The following GNG12 variants were observed in gnomAD, a reference collection of about 807,000 sequenced individuals.
The protein encoded by GNG12 is G protein subunit gamma 12.
For synonymous variants in GNG12, 28 were observed against 29.7 expected (o/e 0.94, Z 0.19); for missense variants, 69 against 83.8 (o/e 0.82, Z 0.69).
intron 1 of GNG12, among the ~76,000 whole-genome samples, chr1:67,832,151 A>C (rs1438073642): frequency 6.6e-6 from 1 of 152,200 alleles, no homozygotes; most frequent in Non-Finnish European, 1.5e-5. Flanking sequence ...AACTGATGGG[A>C]AGGAAGCTAA....
chr1:67,794,468 G>A (rs1318991382), intron 1 of GNG12, among the ~76,000 whole-genome samples: 1 of 152,168 alleles, frequency 6.6e-6, no homozygotes, highest in East Asian at 1.9e-4. Flanking sequence ...ACGGCCACTT[G>A]CTGACCACGA....
intron 1 of GNG12, among the ~76,000 whole-genome samples, chr1:67,815,298 C>A (rs1646947716): frequency 6.6e-6 from 1 of 152,144 alleles, no homozygotes; most frequent in South Asian, 2.1e-4. Context: ...GGATATAAAG[C>A]AAAATTAATG....
At chr1:67,709,567 G>T (rs949759059) in intron 2 of GNG12, among the ~76,000 whole-genome samples, 7 of 151,672 alleles carry the variant, frequency 4.6e-5, no homozygotes, top group African/African-American at 9.7e-5. Context: ...GCTAAGCCTT[G>T]GACAAGCTCA....
At chr1:67,786,998 T>A (rs948497369) in intron 1 of GNG12, among the ~76,000 whole-genome samples, 1 of 147,158 alleles carries the variant, frequency 6.8e-6, no homozygotes. Flanking sequence ...TGTATATATA[T>A]GTGTATATCT....
chr1:67,778,518 A>C (rs549775249), intron 1 of GNG12, among the ~76,000 whole-genome samples: 5 of 152,344 alleles, frequency 3.3e-5, no homozygotes, highest in Admixed American at 1.3e-4. Flanking sequence ...ATTTTAACAG[A>C]AATCAGACAT....
At position 67,703,849 on chromosome 1, in the gene GNG12, A is replaced by C. The variant is rs1428385670; in HGVS notation, c.*1602T>G. The C allele has an allele frequency of 6.6e-6, 1 of 152,252 alleles. No individual in the cohort carries two copies. The highest frequency in any genetic ancestry group is 2.4e-5 in the African/African-American group (1 of 41,472). 9.4% of individuals were successfully genotyped at this position (152,252 alleles called of 1,614,324 possible). On this transcript the variant is annotated 3_prime_UTR_variant, in exon 4 of 4. Coordinates refer to ENST00000370982, the MANE Select transcript of GNG12 (RefSeq NM_018841.6). ...CAAAGCCCAGACATTAGATTTTAAA[A>C]GGGGTTTGCTTTCCAGGACAGATTG... is the stretch of plus-strand genomic sequence containing the variant.
At chr1:67,759,867 C>G (rs763487243) in intron 2 of GNG12, among the ~76,000 whole-genome samples, 1 of 152,202 alleles carries the variant, frequency 6.6e-6, no homozygotes, top group Non-Finnish European at 1.5e-5. Context: ...CTAAGCTCCA[C>G]AGTGACATTC....
Position 67,753,184 on chromosome 1 carries a change from G to A in GNG12, c.-27+24274C>T, listed in dbSNP as rs527275237. ...TTATGTTGAAAGAATTTTTTTTTAA[G>A]TTCTTGTTTTCAAATACAAGTTGAG... is the stretch of plus-strand genomic sequence containing the variant. On this transcript the variant is annotated intron_variant, in intron 2 of 3. Transcript: ENST00000370982. 1.6e-4 allele frequency among the ~76,000 whole-genome samples: 24 copies of A among 152,104 alleles called. No homozygotes were observed. The South Asian group carries it at 3.5e-3, about 22-fold the overall frequency.
intron 2 of GNG12, among the ~76,000 whole-genome samples, chr1:67,711,305 T>C (rs537719575): frequency 5.9e-5 from 9 of 152,244 alleles, no homozygotes; most frequent in African/African-American, 2.2e-4. Context: ...ACCTGACATA[T>C]AAACAGGTTG....
intron 2 of GNG12, among the ~76,000 whole-genome samples, chr1:67,728,445 C>A (rs1465418760): frequency 6.6e-6 from 1 of 152,228 alleles, no homozygotes; most frequent in African/African-American, 2.4e-5. Flanking sequence ...AGATATTCTG[C>A]ACCCCTTGTT....
intron 1 of GNG12, among the ~76,000 whole-genome samples, chr1:67,780,577 G>C (rs1646732066): frequency 6.6e-6 from 1 of 152,190 alleles, no homozygotes; most frequent in Non-Finnish European, 1.5e-5. Context: ...GAAAACACTG[G>C]AATAGCATTG....
At chr1:67,763,118 A>AGAGAGAGAGAGAGAGAGAGAGAAT (rs1279246951) in intron 2 of GNG12, among the ~76,000 whole-genome samples, 1 of 151,696 alleles carries the variant, frequency 6.6e-6, no homozygotes, top group Non-Finnish European at 1.5e-5. Flanking sequence ...AGAGAGAGAG[A>AGAGAGAGAGAGAGAGAGAGAGAAT]GAATCAATAT....
chr1:67,749,260 T>C (rs1570511040), intron 2 of GNG12, among the ~76,000 whole-genome samples: 1 of 152,352 alleles, frequency 6.6e-6, no homozygotes, highest in South Asian at 2.1e-4. Flanking sequence ...TCGCTTAACC[T>C]TTCCCTAAAC....
At chr1:67,722,268 T>C (rs1426214011) in intron 2 of GNG12, among the ~76,000 whole-genome samples, 1 of 152,048 alleles carries the variant, frequency 6.6e-6, no homozygotes, top group Non-Finnish European at 1.5e-5. Flanking sequence ...GTCAGCTTCT[T>C]GAAGGGGCAG....
At chr1:67,782,308 A>G (rs1646742148) in intron 1 of GNG12, among the ~76,000 whole-genome samples, 1 of 152,234 alleles carries the variant, frequency 6.6e-6, no homozygotes, top group South Asian at 2.1e-4. Flanking sequence ...AAAGAATTAT[A>G]AATTCATTCT....
chr1:67,787,036 AGTGT>A (rs56084524), intron 1 of GNG12, among the ~76,000 whole-genome samples: 3,236 of 131,382 alleles, frequency 0.025, 128 homozygotes, highest in African/African-American at 0.084. Flanking sequence ...TATGTGTATA[AGTGT>A]GTGTGTGTGT....
At chr1:67,833,262 A>G (rs1339568050) in intron 1 of GNG12, 82 bp downstream of exon 1, 1 of 361,654 alleles carries the variant, frequency 2.8e-6, no homozygotes, top group Non-Finnish European at 3.8e-6. Context: ...GCGGCCCCCG[A>G]ACTCGCTGGC....
rs1646227391 is a variant in GNG12, at chr1:67,703,545, A to G, written c.*1906T>C. On this transcript the variant is annotated 3_prime_UTR_variant, in exon 4 of 4. Coordinates refer to ENST00000370982, the MANE Select transcript of GNG12 (RefSeq NM_018841.6). The stretch of plus-strand genomic sequence containing the variant: ...CTCATTAAGTGAAGCATTAAATGTA[A>G]AGTTGTCTTTTTAGTGTAAATTTCA... The G allele has an allele frequency of 6.6e-6, 1 of 152,200 alleles. No homozygotes were observed. 9.4% of individuals were successfully genotyped at this position (152,200 alleles called of 1,614,324 possible). A position where few individuals can be genotyped will look rare whatever the true frequency, so the allele number is the denominator to read the frequency against.
chr1:67,765,602 T>A (rs7542492), intron 2 of GNG12, among the ~76,000 whole-genome samples: 28 of 152,248 alleles, frequency 1.8e-4, no homozygotes, highest in African/African-American at 5.8e-4. Flanking sequence ...GGTTTGTATA[T>A]TTCAACCCTT....
Sources: allele counts gnomAD v4.1 joint callset (sites outside exome capture counted in the v4.1 genomes callset), GRCh38; gene constraint gnomAD v4.1.1; transcripts MANE v1.5; gene names NCBI Gene and HGNC (gene_info 2026-07-23, HGNC 2026-07-21).